PTBP3: variants seen among roughly 807,000 people sequenced by gnomAD.
PTBP3 encodes polypyrimidine tract-binding protein 3.
Under a neutral mutation model 58.7 loss-of-function variants are expected in PTBP3, and 20 were observed. That is an observed-to-expected ratio of 0.34 (90% CI 0.24 to 0.50). PTBP3 has a LOEUF of 0.50. Among genes scored for constraint, PTBP3 ranks in the 20% least tolerant of loss-of-function variants. PTBP3 has a pLI of 0.98. For missense variants in PTBP3, 509 were observed against 637.2 expected, an observed-to-expected ratio of 0.80 and a Z score of 2.17; for synonymous variants, 185 against 219.8, an observed-to-expected ratio of 0.84 and a Z score of 1.40.
In PTBP3 at chr9:112,333,563, G is replaced by T; in HGVS notation, c.-145C>A. 2 of 1,500,346 alleles carry T rather than the reference G, an allele frequency of 1.3e-6. No homozygotes were observed. Among genetic ancestry groups the T allele is most frequent in the Non-Finnish European group, 1.8e-6 (2 of 1,097,518 alleles). The allele number at this position is 1,500,346 out of a possible 1,614,324, so 92.9% of individuals were successfully genotyped here. A position where few individuals can be genotyped will look rare whatever the true frequency, so the allele number is the denominator to read the frequency against. Reference sequence around the variant, plus strand: ...AGGCGGCGGCAGCAGGGCGGTTCCGGGGACAAGCGAGCTTTGGCTCTGCGG... The same window carrying T: ...AGGCGGCGGCAGCAGGGCGGTTCCGTGGACAAGCGAGCTTTGGCTCTGCGG... On this transcript the variant is annotated 5_prime_UTR_variant, in exon 1 of 14. Coordinates refer to ENST00000374257, the MANE Select transcript of PTBP3 (RefSeq NM_001163788.4).
chr9:112,239,802 A>AAAGG (rs1237723599), intron 7 of PTBP3, among the ~76,000 whole-genome samples: 1 of 121,620 alleles, frequency 8.2e-6, no homozygotes, highest in Non-Finnish European at 1.7e-5. Flanking sequence ...AGGAAGAAGA[A>AAAGG]AAGGAAGGAA....
intron 5 of PTBP3, among the ~76,000 whole-genome samples, chr9:112,257,038 C>T (rs749567135): frequency 1.4e-4 from 22 of 152,194 alleles, no homozygotes; most frequent in Non-Finnish European, 2.5e-4. Context: ...CTAATTTCCA[C>T]TCACCTTTCA....
upstream of PTBP3, among the ~76,000 whole-genome samples, chr9:112,338,376 T>C (rs553739221): frequency 1.8e-3 from 275 of 152,294 alleles, 3 homozygotes; most frequent in African/African-American, 6.3e-3. Flanking sequence ...TGTGTGCTGC[T>C]TTTAATAGTG....
intron 1 of PTBP3, chr9:112,298,610 A>G (rs1431168645): frequency 1.0e-5 from 5 of 498,096 alleles, no homozygotes; most frequent in South Asian, 7.5e-5. Flanking sequence ...AACCTATTTT[A>G]AATAGTACTA....
Position 112,227,283 on chromosome 9 carries a change from G to T in PTBP3, c.1364+128C>A, listed in dbSNP as rs553641190. The T allele has an allele frequency of 2.1e-5, 19 of 894,198 alleles. No individual in the cohort carries two copies. The African/African-American group carries it at 2.8e-4, about 13-fold the overall frequency. The allele number at this position is 894,198 out of a possible 1,614,324, so 55.4% of individuals were successfully genotyped here. On this transcript the variant is annotated intron_variant, in intron 12 of 13. Transcript: ENST00000374257. ...CTGAAGGCATGATGGCAAATAAATT[G>T]TCTTATCAGAAACTGTTGACCAGGA...
At chr9:112,232,277 T>G (rs376519030) in intron 8 of PTBP3, 39 bp from the exon 9 acceptor site, 2 of 1,512,456 alleles carry the variant, frequency 1.3e-6, no homozygotes, top group Admixed American at 2.0e-5. Flanking sequence ...TTCTAATTAT[T>G]TGAAGAACTG....
intron 2 of PTBP3, among the ~76,000 whole-genome samples, chr9:112,277,592 C>T (rs1279631339): frequency 6.6e-6 from 1 of 152,024 alleles, no homozygotes; most frequent in African/African-American, 2.4e-5. Flanking sequence ...CACAGTGATT[C>T]ACGCCTGTAA....
chr9:112,335,598 TC>T (rs1384147076), upstream of PTBP3, among the ~76,000 whole-genome samples: 6 of 66,716 alleles, frequency 9.0e-5, no homozygotes, highest in Non-Finnish European at 1.6e-4. Flanking sequence ...TTACCATTTT[TC>T]TTTTTTTTTT....
intron 10 of PTBP3, 129 bp downstream of exon 10, chr9:112,231,251 T>A (rs1010603491): frequency 6.4e-6 from 4 of 621,062 alleles, no homozygotes; most frequent in Non-Finnish European, 1.0e-5. Flanking sequence ...CTAAGTCTTA[T>A]TCACTGTTTT....
At position 112,220,808 on chromosome 9, in the gene PTBP3, T is replaced by C; in HGVS notation, c.*3043A>G. 3 of 977,068 alleles carry C rather than the reference T, an allele frequency of 3.1e-6. No individual in the cohort carries two copies. In the South Asian group the frequency reaches 1.4e-4, roughly 46 times the overall value. 60.5% of individuals were successfully genotyped at this position (977,068 alleles called of 1,614,324 possible). ...TGTGTACTGCTATTTTTTAAAGTCC[T>C]GAATATATATACTTTGTGTAGAAGT... On this transcript the variant is annotated 3_prime_UTR_variant, in exon 14 of 14. Coordinates refer to ENST00000374257, the MANE Select transcript of PTBP3 (RefSeq NM_001163788.4).
At chr9:112,233,085 C>T (rs1055108971) in intron 8 of PTBP3, among the ~76,000 whole-genome samples, 1 of 151,926 alleles carries the variant, frequency 6.6e-6, no homozygotes, top group Non-Finnish European at 1.5e-5. Flanking sequence ...TAACTACCAT[C>T]ATCCATACTG....
At chr9:112,297,586 T>C (rs1371235903) in intron 2 of PTBP3, among the ~76,000 whole-genome samples, 1 of 152,224 alleles carries the variant, frequency 6.6e-6, no homozygotes, top group African/African-American at 2.4e-5. Flanking sequence ...ATCAAAATTA[T>C]GTAACACAAA....
At chr9:112,262,650 G>C in intron 4 of PTBP3, 51 bp from the exon 5 acceptor site, 1 of 1,458,660 alleles carries the variant, frequency 6.9e-7, no homozygotes, top group Non-Finnish European at 9.1e-7. Context: ...CGCATTATAT[G>C]AATCCTAAAA....
intron 7 of PTBP3, among the ~76,000 whole-genome samples, chr9:112,240,272 A>ATGTATTC (rs1835603288): frequency 1.3e-5 from 2 of 152,214 alleles, no homozygotes; most frequent in African/African-American, 4.8e-5. Context: ...ATGTACATAT[A>ATGTATTC]TACATGTGTA....
Position 112,268,096 on chromosome 9 carries a change from A to G in PTBP3, c.304T>C (p.Tyr102His). 1.2e-6 allele frequency: 2 copies of G among 1,613,770 alleles called. No homozygotes were observed. Among genetic ancestry groups the G allele is most frequent in the Non-Finnish European group, 1.7e-6 (2 of 1,179,772 alleles). Residue 102 changes from tyrosine (Y) to histidine (H), a missense_variant, in exon 4 of 14, where the codon TAT becomes CAT. Tyr to His is a moderately conservative substitution (Grantham distance 83). This residue lies in a region of PTBP3 where 212 missense variants were observed against 215.3 expected (regional missense o/e 0.98). Coordinates refer to ENST00000374257, the MANE Select transcript of PTBP3 (RefSeq NM_001163788.4). Reference sequence around the variant, plus strand: ...GTCTTAAGTTCTCTGTGATTGGAATACTGAATATAAACAGGCTGGCTTCGA... The same window carrying G: ...GTCTTAAGTTCTCTGTGATTGGAATGCTGAATATAAACAGGCTGGCTTCGA... ...HLRSQPVYIQ[Y>H]SNHRELKTDN...
rs376756574 is a variant in PTBP3, at chr9:112,232,217, G to C, written c.902C>G (p.Pro301Arg). 8.1e-6 allele frequency: 13 copies of C among 1,603,044 alleles called. No individual in the cohort carries two copies. Among genetic ancestry groups the C allele is most frequent in the Admixed American group, 6.9e-5 (4 of 57,704 alleles). Residue 301 changes from proline (P) to arginine (R), a missense_variant, in exon 9 of 14, where the codon CCT (proline) becomes CGT (arginine). Physicochemically the swap from Pro to Arg is moderately radical, Grantham distance 103 (BLOSUM62 -2). Around this residue, in one of 4 missense-constraint regions of PTBP3, gnomAD observed 121 missense variants for 114.8 expected, o/e 1.05. Coordinates refer to ENST00000374257, the MANE Select transcript of PTBP3 (RefSeq NM_001163788.4). The part of the protein sequence containing the change: ...QATGLSVPAV[P>R]GALGPLTITS... Reference sequence around the variant, plus strand: ...GATTGTGAGAGGACCAAGAGCTCCAGGAACAGCTGGAACTGATAGACCTTT... The same window carrying C: ...GATTGTGAGAGGACCAAGAGCTCCACGAACAGCTGGAACTGATAGACCTTT...
At chr9:112,346,473 T>C in the PTBP3 span, among the ~76,000 whole-genome samples, 1 of 152,024 alleles carries the variant, frequency 6.6e-6, no homozygotes, top group Non-Finnish European at 1.5e-5. Flanking sequence ...GGCCGGCAAA[T>C]ATAAAAACTT....
At chr9:112,242,171 G>A (rs921589695) in intron 7 of PTBP3, among the ~76,000 whole-genome samples, 1 of 151,892 alleles carries the variant, frequency 6.6e-6, no homozygotes, top group African/African-American at 2.4e-5. Context: ...TGTGTTGCCC[G>A]AAATGGAGTA....
intron 1 of PTBP3, among the ~76,000 whole-genome samples, chr9:112,329,508 C>T (rs1830282492): frequency 1.3e-5 from 2 of 152,166 alleles, no homozygotes; most frequent in Admixed American, 1.3e-4. Flanking sequence ...AATTATCCAG[C>T]TCTCTGGATG....
Sources: gnomAD v4.1 joint callset for allele counts (sites outside exome capture counted in the v4.1 genomes callset) on GRCh38, gnomAD v4.1.1 for gene constraint, gnomAD v4.1.1 regional missense constraint, MANE v1.5 for transcripts, NCBI Gene and HGNC (gene_info 2026-07-23, HGNC 2026-07-21) for gene names.